HYCC1: variants seen among roughly 807,000 people sequenced by gnomAD.
The protein encoded by HYCC1 is hyccin.
the HYCC1 span, among the ~76,000 whole-genome samples, chr7:22,928,054 C>A: frequency 5.0e-3 from 767 of 152,222 alleles, 9 homozygotes; most frequent in African/African-American, 0.017. Flanking sequence ...TAAACGTAAT[C>A]CAGCATATAA....
the HYCC1 span, among the ~76,000 whole-genome samples, chr7:22,902,825 T>G: frequency 6.6e-6 from 1 of 151,956 alleles, no homozygotes; most frequent in South Asian, 2.1e-4. Flanking sequence ...AGAAGACAAC[T>G]AGGATAAAAT....
the HYCC1 span, chr7:22,991,276 T>G: frequency 1.7e-6 from 1 of 589,236 alleles, no homozygotes; most frequent in Non-Finnish European, 2.9e-6. Flanking sequence ...CTAAATTCAT[T>G]TCAAAACCAA....
the HYCC1 span, among the ~76,000 whole-genome samples, chr7:22,920,099 C>T: frequency 6.6e-6 from 1 of 151,918 alleles, no homozygotes; most frequent in African/African-American, 2.4e-5. Flanking sequence ...AGGCAAAGGA[C>T]GAAGGATAGC....
chr7:22,970,389 T>C, the HYCC1 span, among the ~76,000 whole-genome samples: 6 of 152,206 alleles, frequency 3.9e-5, no homozygotes, highest in African/African-American at 1.4e-4. Context: ...CATTCACTCA[T>C]TCAACAGTTA....
chr7:22,960,358 C>T, the HYCC1 span: 1 of 1,613,384 alleles, frequency 6.2e-7, no homozygotes. Flanking sequence ...CACCTTGTAC[C>T]TTCCTTATTA....
the HYCC1 span, among the ~76,000 whole-genome samples, chr7:22,904,162 T>G: frequency 6.6e-6 from 1 of 152,166 alleles, no homozygotes; most frequent in East Asian, 1.9e-4. Flanking sequence ...CCGGGCATGG[T>G]GGCTCATGCC....
At chr7:22,972,552 A>G in the HYCC1 span, among the ~76,000 whole-genome samples, 1 of 152,242 alleles carries the variant, frequency 6.6e-6, no homozygotes, top group South Asian at 2.1e-4. Context: ...ACAGTCTTGT[A>G]TTAAATGTCC....
chr7:22,921,901 C>A, the HYCC1 span, among the ~76,000 whole-genome samples: 1 of 151,852 alleles, frequency 6.6e-6, no homozygotes, highest in Non-Finnish European at 1.5e-5. Flanking sequence ...TCAACTGTAA[C>A]AAATCTGAAG....
chr7:22,927,478 C>T, the HYCC1 span, among the ~76,000 whole-genome samples: 60,449 of 151,760 alleles, frequency 0.4, 12,229 homozygotes, highest in Non-Finnish European at 0.41. Flanking sequence ...ATCAAATAGA[C>T]GCAATAAAAA....
the HYCC1 span, among the ~76,000 whole-genome samples, chr7:22,921,680 T>G: frequency 1.3e-3 from 199 of 152,306 alleles, no homozygotes; most frequent in African/African-American, 4.6e-3. Flanking sequence ...TAGTGAGGAT[T>G]ATGGGTAAAA....
chr7:22,930,685 C>G, the HYCC1 span, among the ~76,000 whole-genome samples: 1 of 151,972 alleles, frequency 6.6e-6, no homozygotes, highest in African/African-American at 2.4e-5. Context: ...GAGTAATATT[C>G]CCCATGAGTA....
At chr7:22,924,565 C>T in the HYCC1 span, among the ~76,000 whole-genome samples, 509 of 152,332 alleles carry the variant, frequency 3.3e-3, 2 homozygotes, top group Non-Finnish European at 4.1e-3. Flanking sequence ...GGTCCTACAC[C>T]CATAGAGCCT....
chr7:23,006,791 G>C, the HYCC1 span, among the ~76,000 whole-genome samples: 2 of 152,162 alleles, frequency 1.3e-5, no homozygotes, highest in African/African-American at 2.4e-5. Context: ...AAGACTCTTT[G>C]TTCAAGAAAA....
At chr7:22,959,470 G>A in the HYCC1 span, among the ~76,000 whole-genome samples, 4 of 152,074 alleles carry the variant, frequency 2.6e-5, no homozygotes, top group Non-Finnish European at 5.9e-5. Context: ...TAATATACAC[G>A]TTTGCTTAGG....
chr7:22,959,490 T>C, the HYCC1 span, among the ~76,000 whole-genome samples: 1 of 152,158 alleles, frequency 6.6e-6, no homozygotes, highest in African/African-American at 2.4e-5. Flanking sequence ...GGTAAAGAAG[T>C]AGCTTTTTGC....
At chr7:22,947,223 GCAT>G in the HYCC1 span, 27 of 1,549,528 alleles carry the variant, frequency 1.7e-5, no homozygotes, top group Non-Finnish European at 2.4e-5. Context: ...CAATTCAGTA[GCAT>G]CATTATTGTT....
At chr7:22,897,536 A>C in the HYCC1 span, among the ~76,000 whole-genome samples, 1 of 152,198 alleles carries the variant, frequency 6.6e-6, no homozygotes, top group Non-Finnish European at 1.5e-5. Context: ...ATTGCACGGC[A>C]CTGTTGTGAG....
At chr7:22,958,350 G>C in the HYCC1 span, among the ~76,000 whole-genome samples, 7 of 152,124 alleles carry the variant, frequency 4.6e-5, no homozygotes, top group Admixed American at 1.3e-4. Flanking sequence ...CTAAAGAAGA[G>C]TGATAAACAA....
the HYCC1 span, among the ~76,000 whole-genome samples, chr7:22,915,237 C>A: frequency 6.6e-6 from 1 of 152,206 alleles, no homozygotes; most frequent in Non-Finnish European, 1.5e-5. Context: ...TTAACCTCGC[C>A]TTCAAGGTGT....
Sources: gnomAD v4.1 joint callset for allele counts (sites outside exome capture counted in the v4.1 genomes callset) on GRCh38, gnomAD v4.1.1 for gene constraint, MANE v1.5 for transcripts, NCBI Gene and HGNC (gene_info 2026-07-23, HGNC 2026-07-21) for gene names.